Variants in MNAT1 observed in about 807,000 individuals in gnomAD.
The protein encoded by MNAT1 is MNAT1 component of CDK activating kinase.
MNAT1 carries 43 observed loss-of-function variants against 42.0 expected under a neutral mutation model. The observed-to-expected ratio is 1.02, with a 90% confidence interval of 0.80 to 1.32. The LOEUF is 1.32. Ranked by LOEUF, MNAT1 falls within the 40% of genes most tolerant of loss-of-function variation. MNAT1 has a pLI of 0.00. For synonymous variants in MNAT1, 118 were observed against 120.0 expected, an observed-to-expected ratio of 0.98 and a Z score of 0.11; for missense variants, 306 against 350.4, an observed-to-expected ratio of 0.87 and a Z score of 1.01.
chr14:60,759,724 G>A (rs1215804183), intron 1 of MNAT1, among the ~76,000 whole-genome samples: 1 of 152,110 alleles, frequency 6.6e-6, no homozygotes, highest in Non-Finnish European at 1.5e-5. Context: ...CAGGTATACT[G>A]TACTTAATCT....
At chr14:60,775,110 A>AC (rs2031201826) in intron 1 of MNAT1, among the ~76,000 whole-genome samples, 1 of 152,190 alleles carries the variant, frequency 6.6e-6, no homozygotes, top group African/African-American at 2.4e-5. Context: ...TAGGTGGTTT[A>AC]CAGAGGAGAA....
chr14:60,921,377 A>G (rs1203010567), intron 7 of MNAT1, among the ~76,000 whole-genome samples: 2 of 152,228 alleles, frequency 1.3e-5, no homozygotes, highest in African/African-American at 4.8e-5. Flanking sequence ...AATTTTGAAA[A>G]TATAAGCAAA....
At chr14:60,830,590 G>T (rs77285512) in intron 6 of MNAT1, among the ~76,000 whole-genome samples, 5,554 of 152,148 alleles carry the variant, frequency 0.037, 191 homozygotes, top group African/African-American at 0.094. Context: ...GATTTTTAAT[G>T]TAATATTTTA....
chr14:60,896,345 C>CT (rs968066555), intron 7 of MNAT1, among the ~76,000 whole-genome samples: 14 of 152,146 alleles, frequency 9.2e-5, no homozygotes, highest in Admixed American at 1.3e-4. Flanking sequence ...GTGAGACTCT[C>CT]TTTTTAATAA....
intron 7 of MNAT1, among the ~76,000 whole-genome samples, chr14:60,890,317 ATCT>A (rs1200932356): frequency 6.6e-6 from 1 of 152,156 alleles, no homozygotes; most frequent in Non-Finnish European, 1.5e-5. Context: ...ATGATGTAAA[ATCT>A]TCTTGGTATG....
In MNAT1 at chr14:60,953,991, G is replaced by A. The variant is rs563472947; in HGVS notation, c.810-14238G>A. Among the ~76,000 whole-genome samples the A allele has an allele frequency of 9.9e-5, 15 of 152,020 alleles. No homozygotes were observed. In the Middle Eastern group the frequency reaches 0.01, roughly 103 times the overall value. On this transcript the variant is annotated intron_variant, in intron 7 of 7. Coordinates refer to ENST00000261245, the MANE Select transcript of MNAT1 (RefSeq NM_002431.4). ...TCAGGTTATTTGTTTTCTTGCTATC[G>A]AGTTGTTTGTGTTCTTTATATATTT...
At chr14:60,958,587 TTCTTTC>T (rs1191260730) in intron 7 of MNAT1, among the ~76,000 whole-genome samples, 2 of 115,646 alleles carry the variant, frequency 1.7e-5, no homozygotes, top group African/African-American at 6.4e-5. Flanking sequence ...CTGACAGTAT[TTCTTTC>T]TCTTTCTCTT....
At chr14:60,874,207 G>T (rs1326211323) in intron 6 of MNAT1, among the ~76,000 whole-genome samples, 1 of 152,052 alleles carries the variant, frequency 6.6e-6, no homozygotes, top group African/African-American at 2.4e-5. Flanking sequence ...TTCTGACATT[G>T]TTTTGACAGT....
chr14:60,912,057 TC>T (rs2035383451), intron 7 of MNAT1, among the ~76,000 whole-genome samples: 1 of 151,584 alleles, frequency 6.6e-6, no homozygotes, highest in Admixed American at 6.6e-5. Flanking sequence ...GTTGAATTGA[TC>T]CCTTTACCAT....
chr14:60,926,527 G>A (rs11623446), intron 7 of MNAT1, among the ~76,000 whole-genome samples: 137,483 of 152,236 alleles, frequency 0.9, 63,034 homozygotes, highest in Non-Finnish European at 0.99. Context: ...ACAGAACTCA[G>A]GGAAACACTT....
chr14:60,784,714 C>T (rs558678898), intron 1 of MNAT1, among the ~76,000 whole-genome samples: 1 of 152,216 alleles, frequency 6.6e-6, no homozygotes, highest in African/African-American at 2.4e-5. Flanking sequence ...CCGCCCACCT[C>T]GGCTTCCCAA....
chr14:60,821,937 G>A (rs1047985280), intron 6 of MNAT1, among the ~76,000 whole-genome samples: 1 of 152,126 alleles, frequency 6.6e-6, no homozygotes, highest in African/African-American at 2.4e-5. Flanking sequence ...AGAAGAATTT[G>A]ATGCAATGTA....
intron 1 of MNAT1, among the ~76,000 whole-genome samples, chr14:60,782,404 G>C (rs1275720843): frequency 6.6e-6 from 1 of 152,020 alleles, no homozygotes; most frequent in African/African-American, 2.4e-5. Context: ...TGTGTGTATT[G>C]ATACCTTTAT....
intron 1 of MNAT1, among the ~76,000 whole-genome samples, chr14:60,745,154 GCAATTGTTGC>G (rs1186407512): frequency 6.6e-6 from 1 of 152,150 alleles, no homozygotes; most frequent in African/African-American, 2.4e-5. Context: ...CATGGTTATG[GCAATTGTTGC>G]CATATAGAAA....
chr14:60,783,092 A>G (rs2031522193), intron 1 of MNAT1, among the ~76,000 whole-genome samples: 1 of 152,196 alleles, frequency 6.6e-6, no homozygotes, highest in South Asian at 2.1e-4. Flanking sequence ...TGACCTTTAG[A>G]TTTGCCATAG....
chr14:60,778,618 C>G (rs577038139), intron 1 of MNAT1, among the ~76,000 whole-genome samples: 34 of 152,316 alleles, frequency 2.2e-4, no homozygotes, highest in African/African-American at 8.2e-4. Flanking sequence ...AATATTGTCT[C>G]TTACCAAGAG....
chr14:60,915,060 G>A (rs1349664418), intron 7 of MNAT1, among the ~76,000 whole-genome samples: 1 of 152,178 alleles, frequency 6.6e-6, no homozygotes, highest in Non-Finnish European at 1.5e-5. Flanking sequence ...TTGACCGAGA[G>A]CAAGGTGCTA....
intron 7 of MNAT1, among the ~76,000 whole-genome samples, chr14:60,885,136 A>G (rs1241709897): frequency 6.6e-6 from 1 of 151,394 alleles, no homozygotes; most frequent in Non-Finnish European, 1.5e-5. Flanking sequence ...TGGGAGTTTG[A>G]GTGTTAAATG....
intron 6 of MNAT1, among the ~76,000 whole-genome samples, chr14:60,842,557 A>G (rs1480786775): frequency 3.9e-5 from 6 of 152,198 alleles, no homozygotes; most frequent in Non-Finnish European, 8.8e-5. Context: ...TCAGTTTTCT[A>G]GTTGCTTAAG....
Sources: gnomAD v4.1 joint callset for allele counts (sites outside exome capture counted in the v4.1 genomes callset) on GRCh38, gnomAD v4.1.1 for gene constraint, MANE v1.5 for transcripts, NCBI Gene and HGNC (gene_info 2026-07-23, HGNC 2026-07-21) for gene names.